The following TNFRSF21 variants were observed in gnomAD, a reference collection of about 807,000 sequenced individuals.
TNFRSF21 encodes the protein TNF receptor superfamily member 21.
Under a neutral mutation model 45.6 loss-of-function variants are expected in TNFRSF21, and 19 were observed. That is an observed-to-expected ratio of 0.42 (90% CI 0.29 to 0.61). The LOEUF is 0.61. TNFRSF21 is among the 20% of genes least tolerant of loss of function. The pLI is 0.23. For synonymous variants in TNFRSF21, 314 were observed against 335.5 expected (o/e 0.94, Z 0.70); for missense variants, 737 against 851.5 (o/e 0.87, Z 1.67).
chr6:47,253,140 G>C, intron 4 of TNFRSF21, 116 bp downstream of exon 4: 1 of 1,254,220 alleles, frequency 8.0e-7, no homozygotes, highest in East Asian at 2.5e-5. Flanking sequence ...GCGTGTGTGT[G>C]TGTGTGTGCC....
intron 1 of TNFRSF21, among the ~76,000 whole-genome samples, chr6:47,299,430 G>T (rs1762836434): frequency 1.3e-5 from 2 of 152,084 alleles, no homozygotes; most frequent in Non-Finnish European, 2.9e-5. Flanking sequence ...GGAGGAAGAG[G>T]TTGCAGTGAG....
At position 47,274,483 on chromosome 6, in the gene TNFRSF21, T is replaced by C. The variant is rs1367198293; in HGVS notation, c.1243+9455A>G. On this transcript the variant is annotated intron_variant, in intron 3 of 5. Transcript: ENST00000296861. ...CCCTTCCTTACACCTTATACAAAAA[T>C]TAATTCAACATGGATTAAAGATTTA... 2.0e-5 allele frequency among the ~76,000 whole-genome samples: 3 copies of C among 152,268 alleles called. No individual in the cohort carries two copies. The East Asian group carries it at 5.8e-4, about 29-fold the overall frequency.
intron 2 of TNFRSF21, among the ~76,000 whole-genome samples, chr6:47,285,668 A>C (rs1176252174): frequency 1.3e-5 from 2 of 152,238 alleles, no homozygotes; most frequent in East Asian, 1.9e-4. Context: ...ACATAAGGTC[A>C]CACGCTGTCC....
chr6:47,285,026 TAAG>T lies in TNFRSF21; in HGVS notation c.749-597_749-595del, dbSNP rs376765613. Among the ~76,000 whole-genome samples the T allele has an allele frequency of 2.9e-4, 44 of 152,280 alleles. No individual in the cohort carries two copies. In the East Asian group the frequency reaches 6.8e-3, roughly 23 times the overall value. On this transcript the variant is annotated intron_variant, in intron 2 of 5. Transcript: ENST00000296861. ...AGAAGCCTCCATAAGTAATTTTCATTAAGAAGTATGAGAGATGGGAATTTTGAG... is the reference window on the plus strand; with the variant it reads ...AGAAGCCTCCATAAGTAATTTTCATTAAGTATGAGAGATGGGAATTTTGAG...
chr6:47,270,268 C>T (rs1291244546), intron 3 of TNFRSF21, among the ~76,000 whole-genome samples: 1 of 152,140 alleles, frequency 6.6e-6, no homozygotes, highest in Non-Finnish European at 1.5e-5. Context: ...AAGGCAGCTG[C>T]CCCTCCCGGA....
intron 3 of TNFRSF21, among the ~76,000 whole-genome samples, chr6:47,274,884 A>C (rs940686036): frequency 3.3e-5 from 5 of 152,252 alleles, no homozygotes; most frequent in African/African-American, 1.2e-4. Flanking sequence ...AGACACATGA[A>C]AAAATGCTCA....
At chr6:47,244,787 G>GGAA (rs2113846424) in intron 4 of TNFRSF21, among the ~76,000 whole-genome samples, 1 of 152,252 alleles carries the variant, frequency 6.6e-6, no homozygotes, top group Non-Finnish European at 1.5e-5. Context: ...AATAAGTGAT[G>GGAA]AAAACCTCGA....
rs928291999 is a variant in TNFRSF21 at position 47,245,456 on chromosome 6, G to T, written c.1509+7800C>A. ...TGTGTGTGTGTGTGTGTGTGTGTGT[G>T]TTTGTGTGTGTGTGTGTGTGTGTTG... On this transcript the variant is annotated intron_variant, in intron 4 of 5. Coordinates refer to ENST00000296861, the MANE Select transcript of TNFRSF21 (RefSeq NM_014452.5). Among the ~76,000 whole-genome samples, 400 of 122,862 alleles carry T rather than the reference G, an allele frequency of 3.3e-3. 2 individuals carry two copies. The highest frequency in any genetic ancestry group is 0.014 in the African/African-American group (341 of 25,004). 80.6% of individuals were successfully genotyped at this position (122,862 alleles called of 152,430 possible).
At chr6:47,301,517 C>T (rs1477380295) in intron 1 of TNFRSF21, among the ~76,000 whole-genome samples, 5 of 152,210 alleles carry the variant, frequency 3.3e-5, no homozygotes, top group Admixed American at 6.5e-5. Context: ...CTCATGCTGA[C>T]ATGTGATCCA....
rs1431036048 is a variant in TNFRSF21, at chr6:47,309,537, G to A, written c.-26C>T. The A allele has an allele frequency of 2.8e-6, 4 of 1,406,218 alleles. No individual in the cohort carries two copies. The highest frequency in any genetic ancestry group is 3.1e-5 in the South Asian group (2 of 64,032). The allele number at this position is 1,406,218 out of a possible 1,614,324, so 87.1% of individuals were successfully genotyped here. Reference sequence around the variant, plus strand: ...GGCTGAACCGGGGACTCGCAGGGGCGCCCGGGGCGCGCGGGGCAGCTGGAA... The same window carrying A: ...GGCTGAACCGGGGACTCGCAGGGGCACCCGGGGCGCGCGGGGCAGCTGGAA... On this transcript the variant is annotated 5_prime_UTR_variant, in exon 1 of 6. Transcript: ENST00000296861.
chr6:47,251,706 T>A (rs1007879405), intron 4 of TNFRSF21, among the ~76,000 whole-genome samples: 1 of 152,160 alleles, frequency 6.6e-6, no homozygotes, highest in African/African-American at 2.4e-5. Context: ...TTAAAGCCAG[T>A]CTCTAAGAAT....
Position 47,256,471 on chromosome 6 carries a change from C to T in TNFRSF21, c.1244-2950G>A, listed in dbSNP as rs113154042. 2.7e-3 allele frequency among the ~76,000 whole-genome samples: 411 copies of T among 152,226 alleles called. 3 individuals are homozygous for T. The highest frequency in any genetic ancestry group is 9.3e-3 in the African/African-American group (387 of 41,532). On this transcript the variant is annotated intron_variant, in intron 3 of 5. Transcript: ENST00000296861. ...CCCCAGAGGGGAGGTTGCAGTGAGCCAAGATTACACAACTGCACTCCAGCC... is the reference window on the plus strand; with the variant it reads ...CCCCAGAGGGGAGGTTGCAGTGAGCTAAGATTACACAACTGCACTCCAGCC...
intron 3 of TNFRSF21, among the ~76,000 whole-genome samples, chr6:47,272,999 C>A (rs1034271926): frequency 6.6e-6 from 1 of 152,070 alleles, no homozygotes; most frequent in Non-Finnish European, 1.5e-5. Context: ...CAATAACAGG[C>A]TCTGAAATTG....
At chr6:47,306,194 A>G (rs1158166105) in intron 1 of TNFRSF21, among the ~76,000 whole-genome samples, 1 of 152,230 alleles carries the variant, frequency 6.6e-6, no homozygotes, top group African/African-American at 2.4e-5. Flanking sequence ...ACTTTCTATT[A>G]TCATGCAGAC....
chr6:47,239,837 C>T (rs1764720553), intron 4 of TNFRSF21, among the ~76,000 whole-genome samples: 1 of 152,084 alleles, frequency 6.6e-6, no homozygotes, highest in African/African-American at 2.4e-5. Context: ...CTTACTGTTG[C>T]TATTTCATTC....
In TNFRSF21 at chr6:47,286,009, G is replaced by C. The variant is rs752519759; in HGVS notation, c.683C>G (p.Ala228Gly). The part of the protein sequence containing the change: ...SSSTSPSPGT[A>G]IFPRPEHMET... ...CATGTGCTCAGGGCGTGGAAAGATGGCTGTGCCAGGGGAAGGTGAGGTGGA... is the reference window on the plus strand; with the variant it reads ...CATGTGCTCAGGGCGTGGAAAGATGCCTGTGCCAGGGGAAGGTGAGGTGGA... Residue 228 changes from alanine (A) to glycine (G), a missense_variant, in exon 2 of 6, where the codon GCC becomes GGC. By Grantham distance (60) the Ala-to-Gly change is moderately conservative. Transcript: ENST00000296861. 3 of 1,614,130 alleles carry C rather than the reference G, an allele frequency of 1.9e-6. No homozygotes were observed. Among genetic ancestry groups the C allele is most frequent in the African/African-American group, 1.3e-5 (1 of 74,946 alleles).
intron 1 of TNFRSF21, among the ~76,000 whole-genome samples, chr6:47,303,205 C>A (rs1297406464): frequency 6.6e-6 from 1 of 152,102 alleles, no homozygotes; most frequent in African/African-American, 2.4e-5. Flanking sequence ...TGCAAGGGCA[C>A]CAAGCAACAG....
rs749433135 is a variant in TNFRSF21 at position 47,232,716 on chromosome 6, C to T, written c.*49G>A. 6 of 1,567,670 alleles carry T rather than the reference C, an allele frequency of 3.8e-6. No individual in the cohort carries two copies. The highest frequency in any genetic ancestry group is 1.8e-5 in the Admixed American group (1 of 57,138). On this transcript the variant is annotated 3_prime_UTR_variant, in exon 6 of 6. Transcript: ENST00000296861. Reference sequence around the variant, plus strand: ...CAGAAACAGAAGAAAATTAAAAAACCACCCTGCCACTAAATTGAGTAATTT... The same window carrying T: ...CAGAAACAGAAGAAAATTAAAAAACTACCCTGCCACTAAATTGAGTAATTT...
chr6:47,234,041 G>A (rs111570368), intron 5 of TNFRSF21, among the ~76,000 whole-genome samples: 1 of 152,094 alleles, frequency 6.6e-6, no homozygotes, highest in African/African-American at 2.4e-5. Context: ...ACCCAGTCTG[G>A]AGTACAGTGG....
Sources: allele counts gnomAD v4.1 joint callset (sites outside exome capture counted in the v4.1 genomes callset), GRCh38; gene constraint gnomAD v4.1.1; transcripts MANE v1.5; gene names NCBI Gene and HGNC (gene_info 2026-07-23, HGNC 2026-07-21).